The following THSD7A variants were observed in gnomAD, a reference collection of about 807,000 sequenced individuals.
The protein encoded by THSD7A is thrombospondin type 1 domain containing 7A.
In THSD7A, 96 loss-of-function variants were observed where a neutral mutation model predicts 231.3. That is an observed-to-expected ratio of 0.41 (90% CI 0.35 to 0.49). The LOEUF (loss-of-function observed/expected upper bound fraction) is 0.49, where lower values mean the gene tolerates loss of function less well. Among genes scored for constraint, THSD7A ranks in the 20% least tolerant of loss-of-function variants. THSD7A has a pLI of 0.05. For missense variants in THSD7A, 2,290 were observed against 2,070.2 expected (o/e 1.11, Z -2.06); for synonymous variants, 940 against 743.3 (o/e 1.26, Z -4.30).
intron 1 of THSD7A, among the ~76,000 whole-genome samples, chr7:11,723,555 G>A (rs1312098114): frequency 1.3e-5 from 2 of 151,804 alleles, no homozygotes; most frequent in Non-Finnish European, 2.9e-5. Context: ...AGAAAAACAA[G>A]CAGATATACC....
rs538660639 is a variant in THSD7A at position 11,667,113 on chromosome 7, T to G, written c.191-30152A>C. On this transcript the variant is annotated intron_variant, in intron 1 of 27. Transcript: ENST00000423059. ...GGTGGTTTTTGATTACATGGATAAGTTCGTTAGTGGTGATGATTTCTGACA... is the reference window on the plus strand; with the variant it reads ...GGTGGTTTTTGATTACATGGATAAGGTCGTTAGTGGTGATGATTTCTGACA... Among the ~76,000 whole-genome samples, 4 of 152,182 alleles carry G rather than the reference T, an allele frequency of 2.6e-5. No homozygotes were observed. The East Asian group carries it at 5.8e-4, about 22-fold the overall frequency.
chr7:11,641,749 AAATAAAATAAAATAAAATATAATAT>A (rs369726522), intron 1 of THSD7A, among the ~76,000 whole-genome samples: 16,498 of 151,522 alleles, frequency 0.11, 1,046 homozygotes, highest in Non-Finnish European at 0.15. Context: ...ATTGAACCTA[AAATAAAATAAAATAAAATATAATAT>A]AATAAAATAA....
intron 1 of THSD7A, among the ~76,000 whole-genome samples, chr7:11,659,212 T>C (rs1434172874): frequency 6.6e-6 from 1 of 151,694 alleles, no homozygotes; most frequent in African/African-American, 2.4e-5. Flanking sequence ...TAAAAGGCAC[T>C]GGAGCAAACT....
chr7:11,461,884 T>C (rs1025154568), intron 10 of THSD7A, 127 bp downstream of exon 10: 75 of 1,248,816 alleles, frequency 6.0e-5, no homozygotes, highest in Non-Finnish European at 7.3e-5. Context: ...GCTACAGCCA[T>C]AAACATCCCA....
chr7:11,743,316 A>G (rs1480273634), intron 1 of THSD7A, among the ~76,000 whole-genome samples: 2 of 151,858 alleles, frequency 1.3e-5, no homozygotes, highest in East Asian at 3.9e-4. Context: ...ATGTCTTAAA[A>G]CTGAAATGTA....
chr7:11,704,131 T>A (rs1363523693), intron 1 of THSD7A, among the ~76,000 whole-genome samples: 1 of 150,908 alleles, frequency 6.6e-6, no homozygotes, highest in Non-Finnish European at 1.5e-5. Flanking sequence ...TTAATACAAG[T>A]GGGAAAAAGA....
chr7:11,726,440 C>T (rs1167364640), intron 1 of THSD7A, among the ~76,000 whole-genome samples: 1 of 151,996 alleles, frequency 6.6e-6, no homozygotes, highest in Non-Finnish European at 1.5e-5. Context: ...AACATGAGCA[C>T]CATCAAAAAA....
chr7:11,812,727 C>A (rs897539140), intron 1 of THSD7A, among the ~76,000 whole-genome samples: 3 of 152,080 alleles, frequency 2.0e-5, no homozygotes, highest in Admixed American at 2.0e-4. Context: ...AGTATTTTCC[C>A]TGACCTTGGC....
chr7:11,578,579 G>C (rs1044408252), intron 4 of THSD7A, among the ~76,000 whole-genome samples: 11 of 152,288 alleles, frequency 7.2e-5, no homozygotes, highest in African/African-American at 2.6e-4. Flanking sequence ...AAAATCTTGG[G>C]AAGTTGGCAT....
intron 6 of THSD7A, among the ~76,000 whole-genome samples, chr7:11,508,816 T>A (rs1362039344): frequency 6.6e-6 from 1 of 152,242 alleles, no homozygotes; most frequent in Admixed American, 6.5e-5. Flanking sequence ...TTGAAGACAT[T>A]ATGCTAAGTG....
At chr7:11,530,597 T>A (rs1459247427) in intron 6 of THSD7A, among the ~76,000 whole-genome samples, 1 of 152,132 alleles carries the variant, frequency 6.6e-6, no homozygotes. Context: ...CCATAAAATG[T>A]ACAATGGTGT....
intron 22 of THSD7A, among the ~76,000 whole-genome samples, chr7:11,402,881 G>A (rs1168994916): frequency 6.6e-6 from 1 of 152,148 alleles, no homozygotes; most frequent in African/African-American, 2.4e-5. Context: ...CATGTGGGGA[G>A]TTGTAAATTT....
intron 6 of THSD7A, among the ~76,000 whole-genome samples, chr7:11,482,385 A>G (rs1786463888): frequency 6.6e-6 from 1 of 152,220 alleles, no homozygotes; most frequent in African/African-American, 2.4e-5. Context: ...CTCTATCCAT[A>G]GCATCTATCA....
chr7:11,512,190 A>G (rs567219821), intron 6 of THSD7A, among the ~76,000 whole-genome samples: 2 of 152,356 alleles, frequency 1.3e-5, no homozygotes, highest in African/African-American at 4.8e-5. Flanking sequence ...AAAAATGCTC[A>G]TCATCACTGG....
At chr7:11,424,976 G>A (rs1218877765) in intron 15 of THSD7A, 147 bp from the exon 16 acceptor site, 6 of 977,588 alleles carry the variant, frequency 6.1e-6, no homozygotes, top group Non-Finnish European at 9.0e-6. Context: ...GCAATAGAGA[G>A]AACTCAAGAG....
At chr7:11,389,938 G>A (rs1782917499) in intron 23 of THSD7A, among the ~76,000 whole-genome samples, 1 of 152,094 alleles carries the variant, frequency 6.6e-6, no homozygotes. Context: ...TCGAATATGG[G>A]CCCCCACTCT....
intron 17 of THSD7A, among the ~76,000 whole-genome samples, chr7:11,414,953 G>C (rs1783911279): frequency 6.6e-6 from 1 of 152,166 alleles, no homozygotes; most frequent in African/African-American, 2.4e-5. Context: ...TTTAATGAAG[G>C]CCTGAGTGAA....
At chr7:11,806,719 G>A (rs1784407484) in intron 1 of THSD7A, among the ~76,000 whole-genome samples, 2 of 152,102 alleles carry the variant, frequency 1.3e-5, no homozygotes, top group Admixed American at 6.6e-5. Context: ...AGAACCTGAG[G>A]GAAAGCAGGT....
intron 1 of THSD7A, among the ~76,000 whole-genome samples, chr7:11,754,068 G>T (rs1281258870): frequency 6.6e-6 from 1 of 151,892 alleles, no homozygotes; most frequent in East Asian, 1.9e-4. Context: ...AGAAAGTTTG[G>T]CCTTAATATA....
Sources: allele counts gnomAD v4.1 joint callset (sites outside exome capture counted in the v4.1 genomes callset), GRCh38; gene constraint gnomAD v4.1.1; transcripts MANE v1.5; gene names NCBI Gene and HGNC (gene_info 2026-07-23, HGNC 2026-07-21).